The following WARS2 variants were observed in gnomAD, a reference collection of about 807,000 sequenced individuals.
WARS2 encodes the protein tryptophanyl tRNA synthetase 2, mitochondrial, also known as tryptophan--tRNA ligase, mitochondrial.
In WARS2, 28 loss-of-function variants were observed where a neutral mutation model predicts 36.5. That is an observed-to-expected ratio of 0.77 (90% CI 0.57 to 1.05). The LOEUF is 1.05. WARS2 is among the 50% of genes least tolerant of loss of function. WARS2 has a pLI of 0.00. For missense variants in WARS2, 435 were observed against 456.8 expected (o/e 0.95, Z 0.44); for synonymous variants, 174 against 178.4 (o/e 0.98, Z 0.20).
chr1:119,083,691 C>T (rs1345962275), intron 1 of WARS2, among the ~76,000 whole-genome samples: 1 of 152,056 alleles, frequency 6.6e-6, no homozygotes, highest in Non-Finnish European at 1.5e-5. Context: ...GGCAGCTAAT[C>T]TATATTTAAA....
intron 1 of WARS2, among the ~76,000 whole-genome samples, chr1:119,129,264 T>C (rs1043671763): frequency 6.6e-6 from 1 of 152,198 alleles, no homozygotes; most frequent in African/African-American, 2.4e-5. Context: ...TCACCAGACG[T>C]GGATGTGTCA....
chr1:119,134,063 A>G (rs1402772545), intron 1 of WARS2, among the ~76,000 whole-genome samples: 1 of 151,702 alleles, frequency 6.6e-6, no homozygotes, highest in African/African-American at 2.4e-5. Context: ...ACTTTCAACT[A>G]CCTTACTGAA....
At chr1:119,073,302 G>T (rs1176050962) in intron 2 of WARS2, among the ~76,000 whole-genome samples, 2 of 151,860 alleles carry the variant, frequency 1.3e-5, no homozygotes, top group East Asian at 1.9e-4. Context: ...TTTAAAAAGG[G>T]GGAAAGAAAG....
At chr1:119,047,040 G>A (rs1227177015) in intron 2 of WARS2, among the ~76,000 whole-genome samples, 1 of 152,136 alleles carries the variant, frequency 6.6e-6, no homozygotes, top group Non-Finnish European at 1.5e-5. Flanking sequence ...GCAAGTCCCT[G>A]GGCTGAATCT....
chr1:119,037,851 T>G (rs1268587825), intron 4 of WARS2, among the ~76,000 whole-genome samples: 2 of 152,214 alleles, frequency 1.3e-5, no homozygotes, highest in Non-Finnish European at 2.9e-5. Flanking sequence ...TTTCTTATAT[T>G]TGTCTACTTT....
chr1:119,054,944 T>G (rs1421666361), intron 2 of WARS2, among the ~76,000 whole-genome samples: 1 of 152,132 alleles, frequency 6.6e-6, no homozygotes, highest in African/African-American at 2.4e-5. Flanking sequence ...GAATTTTCAG[T>G]TTTGCAAGAT....
At chr1:119,101,119 C>A (rs971342800) in intron 1 of WARS2, among the ~76,000 whole-genome samples, 3 of 151,802 alleles carry the variant, frequency 2.0e-5, no homozygotes, top group African/African-American at 7.3e-5. Context: ...ACATACAGTT[C>A]GATAAAAGGA....
At chr1:119,127,580 G>A (rs1022965673) in intron 1 of WARS2, among the ~76,000 whole-genome samples, 1 of 152,158 alleles carries the variant, frequency 6.6e-6, no homozygotes, top group Non-Finnish European at 1.5e-5. Flanking sequence ...ACAAATTGCA[G>A]AACCCATATA....
intron 1 of WARS2, among the ~76,000 whole-genome samples, chr1:119,138,966 C>T (rs4508061): frequency 0.33 from 49,735 of 151,984 alleles, 8,683 homozygotes; most frequent in African/African-American, 0.43. Context: ...CTTCCCTGGG[C>T]AGTCATTAGC....
At chr1:119,056,148 T>C (rs1006683494) in intron 2 of WARS2, among the ~76,000 whole-genome samples, 5 of 151,080 alleles carry the variant, frequency 3.3e-5, no homozygotes, top group Admixed American at 3.3e-4. Context: ...CCCCACCAAG[T>C]AGCTGGGATT....
At chr1:119,034,592 A>G (rs1647714051) in intron 4 of WARS2, among the ~76,000 whole-genome samples, 1 of 152,130 alleles carries the variant, frequency 6.6e-6, no homozygotes, top group African/African-American at 2.4e-5. Context: ...GATGCTCTTT[A>G]CCTCAGAACT....
intron 1 of WARS2, among the ~76,000 whole-genome samples, chr1:119,133,677 C>T (rs1264859867): frequency 6.6e-6 from 1 of 152,172 alleles, no homozygotes; most frequent in East Asian, 1.9e-4. Flanking sequence ...CCTCCATTAT[C>T]ATCATGTTTA....
chr1:119,084,548 T>G (rs1187922292), intron 1 of WARS2, among the ~76,000 whole-genome samples: 1 of 152,148 alleles, frequency 6.6e-6, no homozygotes, highest in East Asian at 1.9e-4. Flanking sequence ...ACATTAAACA[T>G]TTTTTTAAAC....
intron 1 of WARS2, among the ~76,000 whole-genome samples, chr1:119,103,680 T>C (rs1190080228): frequency 1.3e-5 from 2 of 151,938 alleles, no homozygotes; most frequent in East Asian, 3.9e-4. Flanking sequence ...AACATAGAAC[T>C]ATATAAATTA....
At chr1:119,123,447 TC>T (rs1655455309) in intron 1 of WARS2, among the ~76,000 whole-genome samples, 1 of 152,184 alleles carries the variant, frequency 6.6e-6, no homozygotes, top group East Asian at 1.9e-4. Flanking sequence ...TAATTTGGCT[TC>T]CCAATTAAAT....
At position 119,034,865 on chromosome 1, in the gene WARS2, T is replaced by C. The variant is rs972278931; in HGVS notation, c.516-652A>G. 2.6e-5 allele frequency among the ~76,000 whole-genome samples: 4 copies of C among 152,284 alleles called. No individual in the cohort carries two copies. The East Asian group carries it at 7.7e-4, about 29-fold the overall frequency. ...GGAGAAAACATGAAATACACTGACA[T>C]TTACGTAAATTTTACAAGTGCCTAT... On this transcript the variant is annotated intron_variant, in intron 4 of 5. Transcript: ENST00000235521.
At position 119,032,609 on chromosome 1, in the gene WARS2, T is replaced by C. The variant is rs1057990; in HGVS notation, c.*302A>G. On this transcript the variant is annotated 3_prime_UTR_variant, in exon 6 of 6. Transcript: ENST00000235521. The stretch of plus-strand genomic sequence containing the variant: ...CACAAATGATACTCCATTTCCCAAA[T>C]TACTCCTTACTTCAATCACATTTCT... The C allele has an allele frequency of 0.27, 98,758 of 370,524 alleles. 14,563 individuals carry two copies. The highest frequency in any genetic ancestry group is 0.43 in the African/African-American group (20,548 of 47,942). 23.0% of individuals were successfully genotyped at this position (370,524 alleles called of 1,614,324 possible). A position where few individuals can be genotyped will look rare whatever the true frequency, so the allele number is the denominator to read the frequency against.
chr1:119,076,721 A>AGTC lies in WARS2; in HGVS notation c.91-117_91-115dup. On this transcript the variant is annotated intron_variant, in intron 1 of 5. Transcript: ENST00000235521. ...ATATTTTTGTAAACTACAATCTGACAGTCATCATCATCCATTTATTTTGTG... is the reference window on the plus strand; with the variant it reads ...ATATTTTTGTAAACTACAATCTGACAGTCGTCATCATCATCCATTTATTTTGTG... 2.8e-6 allele frequency: 4 copies of AGTC among 1,432,054 alleles called. No homozygotes were observed. The South Asian group carries it at 5.4e-5, about 19-fold the overall frequency. 88.7% of individuals were successfully genotyped at this position (1,432,054 alleles called of 1,614,324 possible).
At chr1:119,134,438 A>G (rs935594382) in intron 1 of WARS2, among the ~76,000 whole-genome samples, 11 of 152,074 alleles carry the variant, frequency 7.2e-5, no homozygotes, top group African/African-American at 2.7e-4. Flanking sequence ...TAGAAAAAAA[A>G]CAGAAGACTG....
Sources: allele counts gnomAD v4.1 joint callset (sites outside exome capture counted in the v4.1 genomes callset), GRCh38; gene constraint gnomAD v4.1.1; transcripts MANE v1.5; gene names NCBI Gene and HGNC (gene_info 2026-07-23, HGNC 2026-07-21).